The following CDH18 variants were observed in gnomAD, a reference collection of about 807,000 sequenced individuals.
The protein encoded by CDH18 is cadherin 18, also known as cadherin-18.
A neutral mutation model predicts 67.9 loss-of-function variants in CDH18; 31 were observed. The ratio of observed to expected loss-of-function variants is 0.46; its 90% CI spans 0.34 to 0.62. The LOEUF is 0.62. CDH18 is among the 20% of genes least tolerant of loss of function. CDH18 has a pLI of 0.01. For missense variants in CDH18, 890 were observed against 975.5 expected (o/e 0.91, Z 1.17); for synonymous variants, 362 against 347.2 (o/e 1.04, Z -0.48).
At chr5:19,593,762 T>C (rs965496401) in intron 6 of CDH18, among the ~76,000 whole-genome samples, 1 of 72,060 alleles carries the variant, frequency 1.4e-5, no homozygotes, top group Admixed American at 1.5e-4. Flanking sequence ...TCTTCTTCTT[T>C]CCTTTTATTA....
chr5:20,528,674 G>A (rs553744431), intron 1 of CDH18, among the ~76,000 whole-genome samples: 59 of 151,302 alleles, frequency 3.9e-4, no homozygotes, highest in African/African-American at 1.4e-3. Context: ...ACAAAATTAA[G>A]CCACAAATCT....
rs1266360808 is a variant in CDH18, at chr5:20,400,534, G to T, written c.-579-145029C>A. On this transcript the variant is annotated intron_variant, in intron 1 of 14. Coordinates refer to the CDH18 transcript ENST00000507958. ...AAAGAATGTTCACAGACCAAAGCAGGTGGATCACTTGAGGCCGGGAGATTG... is the reference window on the plus strand; with the variant it reads ...AAAGAATGTTCACAGACCAAAGCAGTTGGATCACTTGAGGCCGGGAGATTG... Among the ~76,000 whole-genome samples the T allele has an allele frequency of 2.0e-5, 3 of 151,558 alleles. No individual in the cohort carries two copies. The East Asian group carries it at 5.8e-4, about 29-fold the overall frequency.
At chr5:19,582,936 A>G (rs2149991679) in intron 7 of CDH18, among the ~76,000 whole-genome samples, 1 of 152,078 alleles carries the variant, frequency 6.6e-6, no homozygotes, top group South Asian at 2.1e-4. Context: ...TAAATCTAGT[A>G]TGGTTGTAGC....
At chr5:20,441,660 CAGTTG>C (rs1382491777) in intron 1 of CDH18, among the ~76,000 whole-genome samples, 5 of 152,000 alleles carry the variant, frequency 3.3e-5, no homozygotes, top group Middle Eastern at 3.4e-3. Flanking sequence ...ATTCCTTCCT[CAGTTG>C]AGTTATCTTA....
intron 2 of CDH18, among the ~76,000 whole-genome samples, chr5:20,138,403 T>G (rs906313910): frequency 4.6e-5 from 7 of 151,928 alleles, no homozygotes; most frequent in Non-Finnish European, 8.8e-5. Context: ...GAAAACTGGC[T>G]CAAGACAAGG....
intron 2 of CDH18, among the ~76,000 whole-genome samples, chr5:19,962,333 T>C (rs755777768): frequency 4.9e-5 from 6 of 123,558 alleles, no homozygotes; most frequent in Non-Finnish European, 7.9e-5. Flanking sequence ...AGAGATAATA[T>C]GAACCAGTGA....
chr5:20,397,724 A>G (rs1366304927), intron 1 of CDH18, among the ~76,000 whole-genome samples: 1 of 152,150 alleles, frequency 6.6e-6, no homozygotes, highest in African/African-American at 2.4e-5. Context: ...GTGCTACAAT[A>G]TTTTATTTTA....
At chr5:20,308,746 CA>C (rs1201477733) in intron 1 of CDH18, among the ~76,000 whole-genome samples, 1 of 152,054 alleles carries the variant, frequency 6.6e-6, no homozygotes, top group African/African-American at 2.4e-5. Flanking sequence ...CATTAAGTTC[CA>C]AGAATTTGGT....
At chr5:20,417,945 A>C (rs2150153861) in intron 1 of CDH18, among the ~76,000 whole-genome samples, 1 of 152,334 alleles carries the variant, frequency 6.6e-6, no homozygotes, top group East Asian at 1.9e-4. Context: ...TTCACGTATG[A>C]AAATTAATAT....
intron 2 of CDH18, among the ~76,000 whole-genome samples, chr5:20,173,141 A>G (rs1736971489): frequency 6.6e-6 from 1 of 152,208 alleles, no homozygotes; most frequent in Non-Finnish European, 1.5e-5. Context: ...GGAAATGATT[A>G]AAGTGTGGAA....
intron 1 of CDH18, among the ~76,000 whole-genome samples, chr5:20,561,229 T>C (rs1758190268): frequency 6.6e-6 from 1 of 152,100 alleles, no homozygotes; most frequent in Non-Finnish European, 1.5e-5. Context: ...AATCTTACCT[T>C]GCAATCTAGA....
intron 3 of CDH18, among the ~76,000 whole-genome samples, chr5:19,804,938 T>G (rs1777877437): frequency 7.2e-6 from 1 of 139,858 alleles, no homozygotes; most frequent in African/African-American, 2.6e-5. Flanking sequence ...AAAAAATCAT[T>G]ATTATTATTA....
intron 1 of CDH18, among the ~76,000 whole-genome samples, chr5:20,322,053 A>G (rs1738082399): frequency 6.6e-6 from 1 of 151,880 alleles, no homozygotes; most frequent in Non-Finnish European, 1.5e-5. Flanking sequence ...CTTTAATTAG[A>G]AAAAAAAGCC....
chr5:19,532,402 A>AT (rs1748773017), intron 9 of CDH18, among the ~76,000 whole-genome samples: 3 of 152,290 alleles, frequency 2.0e-5, no homozygotes, highest in East Asian at 3.9e-4. Context: ...GATGATTAAC[A>AT]TTTTTTTATT....
At chr5:20,340,555 G>A (rs1370719258) in intron 1 of CDH18, among the ~76,000 whole-genome samples, 1 of 152,182 alleles carries the variant, frequency 6.6e-6, no homozygotes, top group Non-Finnish European at 1.5e-5. Flanking sequence ...ACCACTGGAA[G>A]GCTCACTGTC....
intron 5 of CDH18, among the ~76,000 whole-genome samples, chr5:19,681,219 C>T (rs1038673657): frequency 6.6e-6 from 1 of 151,856 alleles, no homozygotes; most frequent in Non-Finnish European, 1.5e-5. Context: ...ATGGGGTACA[C>T]ACGAACACAT....
rs572148146 is a variant in CDH18, at chr5:20,546,443, G to A, written c.-580+29019C>T. Among the ~76,000 whole-genome samples, 12 of 152,192 alleles carry A rather than the reference G, an allele frequency of 7.9e-5. No individual in the cohort carries two copies. In the South Asian group the frequency reaches 2.5e-3, roughly 32 times the overall value. ...GACTGGTTAATTTATAAAGAAAGGA[G>A]GTTTAACTGACTCAAAGTTTTGCAT... On this transcript the variant is annotated intron_variant, in intron 1 of 14. Transcript: ENST00000507958.
At chr5:20,269,990 A>G (rs534822492) in intron 1 of CDH18, among the ~76,000 whole-genome samples, 1 of 152,248 alleles carries the variant, frequency 6.6e-6, no homozygotes, top group African/African-American at 2.4e-5. Context: ...AGCCTGCCAA[A>G]AAAACATGAA....
At chr5:19,870,182 C>T (rs940035003) in intron 2 of CDH18, among the ~76,000 whole-genome samples, 9 of 152,026 alleles carry the variant, frequency 5.9e-5, no homozygotes, top group African/African-American at 2.2e-4. Context: ...ATTCCATGTC[C>T]TTACTTTGAG....
Sources: gnomAD v4.1 joint callset for allele counts (sites outside exome capture counted in the v4.1 genomes callset) on GRCh38, gnomAD v4.1.1 for gene constraint, MANE v1.5 for transcripts, NCBI Gene and HGNC (gene_info 2026-07-23, HGNC 2026-07-21) for gene names.